Variants in ATP6V1H observed in about 807,000 individuals in gnomAD.
ATP6V1H encodes V-type proton ATPase subunit H.
Under a neutral mutation model 71.7 loss-of-function variants are expected in ATP6V1H, and 39 were observed. The ratio of observed to expected loss-of-function variants is 0.54; its 90% confidence interval spans 0.42 to 0.71. The LOEUF (loss-of-function observed/expected upper bound fraction) is 0.71. Among genes scored for constraint, ATP6V1H ranks in the 30% least tolerant of loss-of-function variants. The pLI is 0.00. For synonymous variants in ATP6V1H, 192 were observed against 199.3 expected (o/e 0.96, Z 0.31); for missense variants, 509 against 594.9 (o/e 0.86, Z 1.50).
chr8:53,734,034 G>C (rs1007289494), intron 13 of ATP6V1H, among the ~76,000 whole-genome samples: 3 of 152,194 alleles, frequency 2.0e-5, no homozygotes, highest in Non-Finnish European at 4.4e-5. Flanking sequence ...TGCCCTGCTA[G>C]AACAAAAAGC....
At chr8:53,716,251 TCTC>T (rs770400790) in intron 13 of ATP6V1H, among the ~76,000 whole-genome samples, 10 of 152,200 alleles carry the variant, frequency 6.6e-5, no homozygotes, top group Non-Finnish European at 1.0e-4. Context: ...AACTAGTCAT[TCTC>T]CTATTTTTAT....
intron 8 of ATP6V1H, among the ~76,000 whole-genome samples, chr8:53,801,531 T>C (rs1018131872): frequency 1.3e-5 from 2 of 152,190 alleles, no homozygotes; most frequent in Non-Finnish European, 2.9e-5. Context: ...AATTATTTTC[T>C]AAAATTTTTT....
rs570786907 is a variant in ATP6V1H at position 53,824,993 on chromosome 8, G to T, written c.306+4451C>A. ...ACAAACAAAAGTTCAGAGATAAAATGGAAGAGAAATGCTGTTTTTAACAGT... is the reference window on the plus strand; with the variant it reads ...ACAAACAAAAGTTCAGAGATAAAATTGAAGAGAAATGCTGTTTTTAACAGT... On this transcript the variant is annotated intron_variant, in intron 4 of 13. Transcript: ENST00000359530. Among the ~76,000 whole-genome samples the T allele has an allele frequency of 2.6e-5, 4 of 152,076 alleles. No individual in the cohort carries two copies. In the East Asian group the frequency reaches 7.7e-4, roughly 29 times the overall value.
Position 53,818,965 on chromosome 8 carries a change from G to A in ATP6V1H, c.307-1435C>T, listed in dbSNP as rs184569857. On this transcript the variant is annotated intron_variant, in intron 4 of 13. Transcript: ENST00000359530. The stretch of plus-strand genomic sequence containing the variant: ...CTCACACTTGTAATCCCAGCACTTT[G>A]AGAGGCCAAGTGGGAGGGCTGCTTG... Among the ~76,000 whole-genome samples the A allele has an allele frequency of 2.0e-3, 303 of 152,306 alleles. 2 individuals carry two copies. Among genetic ancestry groups the A allele is most frequent in the African/African-American group, 7.0e-3 (291 of 41,566 alleles).
intron 4 of ATP6V1H, among the ~76,000 whole-genome samples, chr8:53,818,204 T>C (rs1190766339): frequency 6.6e-6 from 1 of 152,174 alleles, no homozygotes; most frequent in Non-Finnish European, 1.5e-5. Flanking sequence ...TTTTTAAAAA[T>C]TTTTTTACTA....
rs773949456 is a variant in ATP6V1H at position 53,801,806 on chromosome 8, C to T, written c.670G>A (p.Val224Ile). 3.1e-6 allele frequency: 5 copies of T among 1,613,646 alleles called. No individual in the cohort carries two copies. The highest frequency in any genetic ancestry group is 4.2e-6 in the Non-Finnish European group (5 of 1,179,732). ...YRFAWVEADG[V>I]NCIMGVLSNK... Reference sequence around the variant, plus strand: ...AAAGGAAAGGGCACTCACCAATTTACCCCATCTGCTTCCACCCAAGCAAAG... The same window carrying T: ...AAAGGAAAGGGCACTCACCAATTTATCCCATCTGCTTCCACCCAAGCAAAG... Residue 224 changes from valine (V) to isoleucine (I), a missense_variant, in exon 8 of 14, where the codon GTA becomes ATA. Physicochemically the swap from Val to Ile is conservative, Grantham distance 29 (BLOSUM62 3). Around this residue, in one of 2 missense-constraint regions of ATP6V1H, gnomAD observed 297 missense variants for 303.3 expected, o/e 0.98. Transcript: ENST00000359530.
chr8:53,842,583 C>G (rs1048318835), intron 1 of ATP6V1H: 29 of 152,178 alleles, frequency 1.9e-4, no homozygotes, highest in African/African-American at 6.8e-4. Flanking sequence ...GCTGTATAAA[C>G]AACCCTGGGC....
intron 4 of ATP6V1H, among the ~76,000 whole-genome samples, chr8:53,826,668 T>A (rs1203681131): frequency 6.6e-6 from 1 of 152,100 alleles, no homozygotes; most frequent in Non-Finnish European, 1.5e-5. Flanking sequence ...GATATTGGGC[T>A]GAGCGCAGTG....
chr8:53,777,026 C>T (rs1202571869), intron 9 of ATP6V1H, among the ~76,000 whole-genome samples: 1 of 152,236 alleles, frequency 6.6e-6, no homozygotes, highest in Non-Finnish European at 1.5e-5. Flanking sequence ...CAAAAAAATA[C>T]TGTTTCTTCC....
intron 4 of ATP6V1H, among the ~76,000 whole-genome samples, chr8:53,819,103 G>C (rs1810548417): frequency 6.6e-6 from 1 of 151,932 alleles, no homozygotes; most frequent in East Asian, 1.9e-4. Flanking sequence ...CTACTCAAGA[G>C]ACGGAGGTGG....
intron 9 of ATP6V1H, among the ~76,000 whole-genome samples, chr8:53,779,042 T>G (rs561869694): frequency 1.7e-3 from 255 of 152,242 alleles, no homozygotes; most frequent in African/African-American, 6.1e-3. Flanking sequence ...GCTTCAAAAT[T>G]CATGAAACAA....
intron 9 of ATP6V1H, among the ~76,000 whole-genome samples, chr8:53,794,267 C>T (rs1296297490): frequency 6.6e-6 from 1 of 152,172 alleles, no homozygotes; most frequent in Non-Finnish European, 1.5e-5. Context: ...TTATTTATCT[C>T]TGTGCTTGCA....
intron 13 of ATP6V1H, among the ~76,000 whole-genome samples, chr8:53,721,530 T>C (rs1261640902): frequency 6.6e-6 from 1 of 152,202 alleles, no homozygotes; most frequent in Non-Finnish European, 1.5e-5. Flanking sequence ...TTATGTACTC[T>C]TCACAAGAAT....
At chr8:53,828,033 A>G (rs1810877951) in intron 4 of ATP6V1H, among the ~76,000 whole-genome samples, 1 of 152,120 alleles carries the variant, frequency 6.6e-6, no homozygotes, top group Non-Finnish European at 1.5e-5. Context: ...GATTGATTCC[A>G]TGTCTTTGCT....
chr8:53,811,271 G>T lies in ATP6V1H; in HGVS notation c.526-54C>A, dbSNP rs1810266398. On this transcript the variant is annotated intron_variant, in intron 6 of 13. Coordinates refer to ENST00000359530, the MANE Select transcript of ATP6V1H (RefSeq NM_015941.4). ...AGTTTTGTTTTGATTTTATCCTAAT[G>T]TATCAGCTTACAAAAGGGAGCTAAG... 2.6e-6 allele frequency: 4 copies of T among 1,514,126 alleles called. No homozygotes were observed. The South Asian group carries it at 4.5e-5, about 17-fold the overall frequency. The allele number at this position is 1,514,126 out of a possible 1,614,324, so 93.8% of individuals were successfully genotyped here.
At chr8:53,798,780 G>A (rs1422709404) in intron 8 of ATP6V1H, among the ~76,000 whole-genome samples, 2 of 152,042 alleles carry the variant, frequency 1.3e-5, no homozygotes, top group African/African-American at 4.8e-5. Context: ...CCACCTAAAG[G>A]TTTATCTGAT....
chr8:53,756,452 G>T, intron 12 of ATP6V1H, 103 bp downstream of exon 12: 1 of 776,900 alleles, frequency 1.3e-6, no homozygotes. Context: ...CATTTGCTTT[G>T]TTAGTTCCTT....
At chr8:53,799,840 G>A (rs1453808635) in intron 8 of ATP6V1H, among the ~76,000 whole-genome samples, 1 of 152,150 alleles carries the variant, frequency 6.6e-6, no homozygotes. Context: ...TGAAAAGATG[G>A]CCATTTATGA....
chr8:53,717,463 A>C (rs923053570), intron 13 of ATP6V1H, among the ~76,000 whole-genome samples: 1 of 152,226 alleles, frequency 6.6e-6, no homozygotes, highest in Non-Finnish European at 1.5e-5. Flanking sequence ...CCATCCTTCA[A>C]GGAAAGTTCT....
Sources: allele counts gnomAD v4.1 joint callset (sites outside exome capture counted in the v4.1 genomes callset), GRCh38; gene constraint gnomAD v4.1.1; regional missense constraint gnomAD v4.1.1; transcripts MANE v1.5; gene names NCBI Gene and HGNC (gene_info 2026-07-23, HGNC 2026-07-21).